The following TJP1 variants were observed in gnomAD, a reference collection of about 807,000 sequenced individuals.
TJP1 encodes tight junction protein ZO-1.
TJP1 carries 43 observed loss-of-function variants against 194.2 expected under a neutral mutation model. The observed-to-expected ratio is 0.22, with a 90% confidence interval of 0.17 to 0.29. The LOEUF (loss-of-function observed/expected upper bound fraction) is 0.29. Ranked by LOEUF, TJP1 falls within the 10% of genes least tolerant of loss-of-function variation. The probability of loss-of-function intolerance (pLI) is 1.00; values close to 1 mark genes in which losing one functional copy is unlikely to be tolerated. For synonymous variants in TJP1, 801 were observed against 779.0 expected, an observed-to-expected ratio of 1.03 and a Z score of -0.47; for missense variants, 1,971 against 2,185.7, an observed-to-expected ratio of 0.90 and a Z score of 1.96.
chr15:29,889,942 C>A (rs1413976682), intron 2 of TJP1, among the ~76,000 whole-genome samples: 1 of 152,234 alleles, frequency 6.6e-6, no homozygotes, highest in African/African-American at 2.4e-5. Flanking sequence ...ATCTTTCCCA[C>A]ATACCACATA....
intron 5 of TJP1, among the ~76,000 whole-genome samples, chr15:29,763,760 T>TC (rs2046155275): frequency 1.1e-5 from 1 of 93,854 alleles, no homozygotes; most frequent in Admixed American, 1.4e-4. Flanking sequence ...AGAGTGAGAC[T>TC]CCGTCTCAAA....
At chr15:29,885,309 A>G (rs1013747956) in intron 2 of TJP1, among the ~76,000 whole-genome samples, 4 of 152,174 alleles carry the variant, frequency 2.6e-5, no homozygotes, top group Non-Finnish European at 4.4e-5. Context: ...TCATGCAGCC[A>G]CCCTGAGCCC....
chr15:29,781,133 A>G (rs2047345062), intron 2 of TJP1, among the ~76,000 whole-genome samples: 1 of 152,170 alleles, frequency 6.6e-6, no homozygotes, highest in African/African-American at 2.4e-5. Flanking sequence ...CACAATTAGG[A>G]CAAAGGGGAT....
chr15:29,872,240 G>T (rs2052552208), intron 2 of TJP1, among the ~76,000 whole-genome samples: 1 of 152,078 alleles, frequency 6.6e-6, no homozygotes, highest in Non-Finnish European at 1.5e-5. Context: ...TACTTATATT[G>T]TAAGCATACA....
At chr15:29,961,220 G>C (rs1295636221) in intron 1 of TJP1, among the ~76,000 whole-genome samples, 1 of 152,020 alleles carries the variant, frequency 6.6e-6, no homozygotes, top group African/African-American at 2.4e-5. Flanking sequence ...CAGACTTCAG[G>C]GATTATTCCC....
intron 2 of TJP1, among the ~76,000 whole-genome samples, chr15:29,797,937 C>G (rs958659390): frequency 9.2e-5 from 14 of 152,218 alleles, no homozygotes; most frequent in Non-Finnish European, 2.1e-4. Context: ...GATCATTAAT[C>G]TTCAGAGATA....
At chr15:29,794,985 T>A (rs571566581) in intron 2 of TJP1, among the ~76,000 whole-genome samples, 1 of 152,032 alleles carries the variant, frequency 6.6e-6, no homozygotes, top group South Asian at 2.1e-4. Flanking sequence ...GACCAAGAAA[T>A]AAGACACAAA....
intron 2 of TJP1, among the ~76,000 whole-genome samples, chr15:29,796,346 A>AC (rs2048403538): frequency 6.6e-6 from 1 of 151,620 alleles, no homozygotes; most frequent in South Asian, 2.1e-4. Context: ...GCTATAAAAA[A>AC]AAAAACAAAA....
At chr15:29,786,273 C>A (rs772836326) in intron 2 of TJP1, among the ~76,000 whole-genome samples, 1 of 152,092 alleles carries the variant, frequency 6.6e-6, no homozygotes, top group Non-Finnish European at 1.5e-5. Flanking sequence ...CATTCCTGTT[C>A]CATTTTCTTA....
At position 29,755,305 on chromosome 15, in the gene TJP1, A is replaced by G. The variant is rs74886913; in HGVS notation, c.1010+5834T>C. On this transcript the variant is annotated intron_variant, in intron 8 of 27. Coordinates refer to ENST00000614355, the MANE Select transcript of TJP1 (RefSeq NM_001330239.4). ...GATGCATTTCTCAGAAGGTATCCCC[A>G]TCAAGTGACACGTGACTGCACATTA... Among the ~76,000 whole-genome samples the G allele has an allele frequency of 5.0e-3, 764 of 152,326 alleles. 6 individuals are homozygous for G. Among genetic ancestry groups the G allele is most frequent in the African/African-American group, 0.017 (710 of 41,578 alleles).
intron 2 of TJP1, among the ~76,000 whole-genome samples, chr15:29,955,753 T>TA (rs563535771): frequency 0.07 from 2,514 of 35,734 alleles, 271 homozygotes; most frequent in African/African-American, 0.12. Flanking sequence ...CCTGGCTCTT[T>TA]AAAAAAAAAA....
chr15:29,958,127 G>A (rs2056014992), intron 1 of TJP1, among the ~76,000 whole-genome samples: 1 of 151,710 alleles, frequency 6.6e-6, no homozygotes. Flanking sequence ...ATCTTCTTAG[G>A]GATTTAATCT....
intron 1 of TJP1, among the ~76,000 whole-genome samples, chr15:29,957,529 A>G (rs952780487): frequency 6.6e-6 from 1 of 152,142 alleles, no homozygotes; most frequent in African/African-American, 2.4e-5. Flanking sequence ...ATTGTCCTGC[A>G]CCTTACATTT....
At chr15:29,756,326 T>A (rs912781035) in intron 8 of TJP1, among the ~76,000 whole-genome samples, 1 of 152,228 alleles carries the variant, frequency 6.6e-6, no homozygotes, top group Non-Finnish European at 1.5e-5. Context: ...AAAACCACTG[T>A]AATTATTTTC....
upstream of TJP1, among the ~76,000 whole-genome samples, chr15:29,827,260 G>A (rs1373811432): frequency 6.6e-6 from 1 of 152,188 alleles, no homozygotes; most frequent in Non-Finnish European, 1.5e-5. Context: ...CAATAGGCCC[G>A]TGGCTCAAAG....
At chr15:29,749,053 T>A (rs1221261245) in intron 8 of TJP1, among the ~76,000 whole-genome samples, 1 of 152,118 alleles carries the variant, frequency 6.6e-6, no homozygotes, top group Non-Finnish European at 1.5e-5. Flanking sequence ...CAGCTCCTGG[T>A]AGCCTAGAAG....
rs115228972 is a variant in TJP1, at chr15:29,913,603, G to A, written c.306+42629C>T. Among the ~76,000 whole-genome samples, 198 of 152,284 alleles carry A rather than the reference G, an allele frequency of 1.3e-3. 2 individuals carry two copies. The highest frequency in any genetic ancestry group is 4.6e-3 in the African/African-American group (191 of 41,550). On this transcript the variant is annotated intron_variant, in intron 2 of 28. Coordinates refer to the TJP1 transcript ENST00000356107. ...ATGCAGCAGGAGTTAAGTTTGCAGT[G>A]AGCAGAATAAATTCAGAGACACTTA...
chr15:29,944,922 T>C (rs1363725551), intron 2 of TJP1, among the ~76,000 whole-genome samples: 1 of 152,254 alleles, frequency 6.6e-6, no homozygotes, highest in African/African-American at 2.4e-5. Flanking sequence ...TTAATTTTAC[T>C]TCTTCTGTCA....
At chr15:29,908,048 CAAA>C (rs1156724424) in intron 2 of TJP1, among the ~76,000 whole-genome samples, 17 of 19,516 alleles carry the variant, frequency 8.7e-4, no homozygotes, top group Admixed American at 2.0e-3. Flanking sequence ...CCTTATAAAG[CAAA>C]AAAAAAAAAA....
Sources: gnomAD v4.1 joint callset for allele counts (sites outside exome capture counted in the v4.1 genomes callset) on GRCh38, gnomAD v4.1.1 for gene constraint, MANE v1.5 for transcripts, NCBI Gene and HGNC (gene_info 2026-07-23, HGNC 2026-07-21) for gene names.